The following PTPRN2 variants were observed in gnomAD, a reference collection of about 807,000 sequenced individuals.
PTPRN2 encodes the protein protein tyrosine phosphatase receptor type N2, also known as receptor-type tyrosine-protein phosphatase N2.
A neutral mutation model predicts 118.8 loss-of-function variants in PTPRN2; 74 were observed. The ratio of observed to expected loss-of-function variants is 0.62; its 90% CI spans 0.52 to 0.76. PTPRN2 has a LOEUF of 0.76. PTPRN2 is among the 30% of genes least tolerant of loss of function. The pLI, the probability that PTPRN2 is intolerant of heterozygous loss-of-function variation, is 0.00. For missense variants in PTPRN2, 1,481 were observed against 1,394.4 expected, an observed-to-expected ratio of 1.06 and a Z score of -0.99; for synonymous variants, 641 against 608.0, an observed-to-expected ratio of 1.05 and a Z score of -0.80.
At chr7:157,870,481 T>C (rs1013887620) in intron 12 of PTPRN2, among the ~76,000 whole-genome samples, 3 of 152,230 alleles carry the variant, frequency 2.0e-5, no homozygotes, top group African/African-American at 4.8e-5. Context: ...ACAATTTTGA[T>C]GTTTGTTCTT....
chr7:157,853,791 G>A (rs1258273467), intron 12 of PTPRN2, among the ~76,000 whole-genome samples: 2 of 152,148 alleles, frequency 1.3e-5, no homozygotes, highest in Non-Finnish European at 2.9e-5. Context: ...CAAGCCCTAA[G>A]CCCAGTACCT....
intron 12 of PTPRN2, among the ~76,000 whole-genome samples, chr7:157,689,350 G>A (rs1797356298): frequency 6.6e-6 from 1 of 152,172 alleles, no homozygotes; most frequent in Admixed American, 6.5e-5. Flanking sequence ...GCCGGGACGC[G>A]CAGCTCGGGG....
intron 2 of PTPRN2, among the ~76,000 whole-genome samples, chr7:158,355,325 G>A (rs6459866): frequency 0.88 from 133,630 of 152,190 alleles, 59,345 homozygotes; most frequent in Non-Finnish European, 0.94. Flanking sequence ...CAATGAATTC[G>A]GTATTTTCTA....
chr7:158,370,474 T>C (rs780595601), intron 2 of PTPRN2, among the ~76,000 whole-genome samples: 10 of 146,904 alleles, frequency 6.8e-5, no homozygotes, highest in Non-Finnish European at 1.0e-4. Context: ...CTGGGAGGGC[T>C]GGGCGCAGTG....
intron 3 of PTPRN2, among the ~76,000 whole-genome samples, chr7:158,234,151 A>G (rs1314422975): frequency 1.7e-4 from 26 of 152,166 alleles, no homozygotes; most frequent in Non-Finnish European, 1.5e-5. Flanking sequence ...AGGCTTCTGC[A>G]CAGCAAAGGA....
intron 2 of PTPRN2, among the ~76,000 whole-genome samples, chr7:158,385,305 GAA>G (rs5888752): frequency 6.6e-6 from 1 of 151,816 alleles, no homozygotes; most frequent in Admixed American, 6.6e-5. Flanking sequence ...GACACCACTG[GAA>G]AAAAAAAGGT....
Position 158,546,230 on chromosome 7 carries a change from C to T in PTPRN2, c.112+41328G>A, listed in dbSNP as rs1826272607. On this transcript the variant is annotated intron_variant, in intron 1 of 22. Coordinates refer to ENST00000389418, the MANE Select transcript of PTPRN2 (RefSeq NM_002847.5). This position sits in a 1 kb window ranked among gnomAD's most constrained non-coding sequence, Gnocchi z 5.0. ...AGGAACCATCAGGGAGCCTCGGTAT[C>T]AGCATCACACTCCTGGTGACAGGGA... Among the ~76,000 whole-genome samples, 1 of 152,208 alleles carries T rather than the reference C, an allele frequency of 6.6e-6. No homozygotes were observed. Among genetic ancestry groups the T allele is most frequent in the Non-Finnish European group, 1.5e-5 (1 of 68,034 alleles).
intron 17 of PTPRN2, 89 bp downstream of exon 17, chr7:157,595,149 T>C: frequency 8.3e-7 from 1 of 1,202,348 alleles, no homozygotes; most frequent in Non-Finnish European, 1.2e-6. Flanking sequence ...AGAAGTTTGA[T>C]TGGCCTAATC....
At chr7:158,330,512 C>T (rs368059301) in intron 2 of PTPRN2, among the ~76,000 whole-genome samples, 15 of 49,774 alleles carry the variant, frequency 3.0e-4, no homozygotes, top group African/African-American at 8.3e-4. Flanking sequence ...ACGTCACTCA[C>T]ACCCACACTC....
chr7:157,932,727 GT>G (rs1033245678), intron 11 of PTPRN2, among the ~76,000 whole-genome samples: 5 of 151,306 alleles, frequency 3.3e-5, no homozygotes, highest in African/African-American at 1.2e-4. Flanking sequence ...GGAGGGGTGA[GT>G]CACTCGGACA....
chr7:158,424,094 C>T (rs1162749255), intron 2 of PTPRN2, among the ~76,000 whole-genome samples: 3 of 152,198 alleles, frequency 2.0e-5, no homozygotes, highest in Non-Finnish European at 2.9e-5. Flanking sequence ...ACCCTCCAGG[C>T]GCCCAGTGAT....
intron 12 of PTPRN2, among the ~76,000 whole-genome samples, chr7:157,850,503 A>C (rs1809199048): frequency 1.3e-5 from 2 of 152,232 alleles, no homozygotes; most frequent in South Asian, 4.1e-4. Context: ...CACAGACTAC[A>C]TATTCCACAA....
At chr7:158,155,784 C>CCATCATCACCAT (rs200592139) in intron 6 of PTPRN2, among the ~76,000 whole-genome samples, 1 of 148,434 alleles carries the variant, frequency 6.7e-6, no homozygotes, top group Non-Finnish European at 1.5e-5. Context: ...ACTATCATTA[C>CCATCATCACCAT]CATCATCAAC....
chr7:157,817,607 A>G (rs1806495283), intron 12 of PTPRN2, among the ~76,000 whole-genome samples: 2 of 152,082 alleles, frequency 1.3e-5, no homozygotes, highest in Admixed American at 6.5e-5. Context: ...ATCTGAGAGG[A>G]CCTGTCGACC....
At chr7:157,739,271 A>G (rs1191183611) in intron 12 of PTPRN2, 1 of 152,160 alleles carries the variant, frequency 6.6e-6, no homozygotes, top group Non-Finnish European at 1.5e-5. Flanking sequence ...TACCCACATA[A>G]CAGCAGCTGG....
chr7:157,597,484 G>GTT lies in PTPRN2; in HGVS notation c.2419-2171_2419-2170dup, dbSNP rs572378771. ...CTCCTTCTGAAATGTGTGTGTGTGT[G>GTT]TTTTTTTTTTTGCCCAGAGCAATTT... On this transcript the variant is annotated intron_variant, in intron 16 of 22. Coordinates refer to ENST00000389418, the MANE Select transcript of PTPRN2 (RefSeq NM_002847.5). Among the ~76,000 whole-genome samples the GTT allele has an allele frequency of 2.0e-3, 296 of 145,722 alleles. 2 individuals carry two copies. The highest frequency in any genetic ancestry group is 6.9e-3 in the African/African-American group (272 of 39,632).
intron 12 of PTPRN2, among the ~76,000 whole-genome samples, chr7:157,762,663 G>T (rs1169715154): frequency 6.6e-6 from 1 of 151,636 alleles, no homozygotes; most frequent in Middle Eastern, 3.4e-3. Flanking sequence ...GTTAGTGGGT[G>T]CAGCGCACCA....
intron 11 of PTPRN2, among the ~76,000 whole-genome samples, chr7:158,054,867 A>T (rs1199518968): frequency 6.6e-6 from 1 of 152,142 alleles, no homozygotes; most frequent in East Asian, 1.9e-4. Context: ...CACTGCTGGC[A>T]CCTCCAAGAC....
chr7:158,266,921 G>T (rs1270989020), intron 3 of PTPRN2, among the ~76,000 whole-genome samples: 9 of 152,194 alleles, frequency 5.9e-5, no homozygotes, highest in East Asian at 5.8e-4. Context: ...GGCCTTCAGG[G>T]GTGGTGGGGT....
Sources: gnomAD v4.1 joint callset for allele counts (sites outside exome capture counted in the v4.1 genomes callset) on GRCh38, gnomAD v4.1.1 for gene constraint, Gnocchi (gnomAD v3.1) non-coding constraint, MANE v1.5 for transcripts, NCBI Gene and HGNC (gene_info 2026-07-23, HGNC 2026-07-21) for gene names.